CASP2: variants seen among roughly 807,000 people sequenced by gnomAD.
The protein encoded by CASP2 is caspase 2, also known as caspase-2.
CASP2 carries 38 observed loss-of-function variants against 54.4 expected under a neutral mutation model. The ratio of observed to expected loss-of-function variants is 0.70; its 90% CI spans 0.54 to 0.92. The LOEUF (loss-of-function observed/expected upper bound fraction) is 0.92, where lower values mean the gene tolerates loss of function less well. CASP2 is among the 40% of genes least tolerant of loss of function. CASP2 has a pLI of 0.00. For synonymous variants in CASP2, 215 were observed against 216.3 expected (o/e 0.99, Z 0.05); for missense variants, 512 against 579.6 (o/e 0.88, Z 1.20).
In CASP2 at chr7:143,292,637, G is replaced by C. The variant is rs779751765; in HGVS notation, c.414G>C (p.Leu138Phe). Residue 138 changes from leucine to phenylalanine, a missense_variant, in exon 4 of 11, where the codon TTG (leucine) becomes TTC (phenylalanine). Around this residue, in one of 3 missense-constraint regions of CASP2, gnomAD observed 417 missense variants for 495.4 expected, o/e 0.84. Transcript: ENST00000310447. ...TACAGTTGAGCTGTGACTACGACTT[G>C]AGTCTCCCTTTTCCGGTGTGTGAGT... ...VLPPLSCDYD[L>F]SLPFPVCESC... The C allele has an allele frequency of 1.2e-6, 2 of 1,613,782 alleles. No individual in the cohort carries two copies. The highest frequency in any genetic ancestry group is 4.5e-5 in the East Asian group (2 of 44,890).
At position 143,301,010 on chromosome 7, in the gene CASP2, A is replaced by T. The variant is rs4647323; in HGVS notation, c.967+716A>T. On this transcript the variant is annotated intron_variant, in intron 8 of 10. Coordinates refer to ENST00000310447, the MANE Select transcript of CASP2 (RefSeq NM_032982.4). ...AATTCTGACTTCACCATTTACTAGTAACGTGAAGTTAAAGAAGTTAAATGG... is the reference window on the plus strand; with the variant it reads ...AATTCTGACTTCACCATTTACTAGTTACGTGAAGTTAAAGAAGTTAAATGG... 3.4e-3 allele frequency: 2,658 copies of T among 791,346 alleles called. 72 individuals are homozygous for T. The African/African-American group carries it at 0.044, about 13-fold the overall frequency. The allele number at this position is 791,346 out of a possible 1,614,324, so 49.0% of individuals were successfully genotyped here. A position where few individuals can be genotyped will look rare whatever the true frequency, so the allele number is the denominator to read the frequency against.
chr7:143,296,987 T>C (rs1057455440), intron 6 of CASP2, among the ~76,000 whole-genome samples: 1 of 152,224 alleles, frequency 6.6e-6, no homozygotes, highest in Admixed American at 6.5e-5. Flanking sequence ...GGAAACGTAC[T>C]CTTCAAAGTG....
rs918680248 is a variant in CASP2 at position 143,305,154 on chromosome 7, G to A, written c.*83G>A. 1.3e-5 allele frequency: 20 copies of A among 1,555,900 alleles called. 1 individual carries two copies. Among genetic ancestry groups the A allele is most frequent in the Middle Eastern group, 1.7e-4 (1 of 5,778 alleles). On this transcript the variant is annotated 3_prime_UTR_variant, in exon 11 of 11. Coordinates refer to ENST00000310447, the MANE Select transcript of CASP2 (RefSeq NM_032982.4). ...AGAGCCTTTGATCTTCAGGATGCACGGTTTCTGTTCTGCCCCCTCAGGGAT... is the reference window on the plus strand; with the variant it reads ...AGAGCCTTTGATCTTCAGGATGCACAGTTTCTGTTCTGCCCCCTCAGGGAT...
intron 4 of CASP2, chr7:143,293,210 G>A (rs536180301): frequency 1.1e-4 from 69 of 614,310 alleles, no homozygotes; most frequent in Middle Eastern, 8.7e-4. Flanking sequence ...TCACTGCAGC[G>A]TTGAACTCCT....
intron 6 of CASP2, among the ~76,000 whole-genome samples, chr7:143,297,091 T>A (rs1801777571): frequency 6.6e-6 from 1 of 152,228 alleles, no homozygotes; most frequent in Non-Finnish European, 1.5e-5. Flanking sequence ...GGGTTATCCC[T>A]GGAAAATGCA....
chr7:143,294,750 G>A lies in CASP2; in HGVS notation c.724G>A (p.Val242Ile), dbSNP rs939202752. 2.5e-6 allele frequency: 4 copies of A among 1,614,162 alleles called. No individual in the cohort carries two copies. The highest frequency in any genetic ancestry group is 2.7e-5 in the African/African-American group (2 of 75,056). ...LFKLLGYDVH[V>I]LCDQTAQEMQ... ...CAAGCTTTTGGGCTATGACGTCCAT[G>A]TTCTATGTGACCAGACTGCACAGGT... The change falls in exon 6 of 11, where the codon GTT becomes ATT. Residue 242 changes from valine (V) to isoleucine (I), a missense_variant. By Grantham distance (29) the Val-to-Ile change is conservative (BLOSUM62 3). Coordinates refer to ENST00000310447, the MANE Select transcript of CASP2 (RefSeq NM_032982.4).
chr7:143,290,202 A>T (rs1051025529), intron 1 of CASP2, among the ~76,000 whole-genome samples: 8 of 151,958 alleles, frequency 5.3e-5, no homozygotes, highest in Non-Finnish European at 7.4e-5. Context: ...CTAGGACTAC[A>T]GGCATGCAGC....
In CASP2 at chr7:143,294,703, A is replaced by G. The variant is rs767042893; in HGVS notation, c.677A>G (p.His226Arg). Residue 226 changes from histidine (H) to arginine (R), a missense_variant, in exon 6 of 11, where the codon CAC becomes CGC. Physicochemically the swap from His to Arg is conservative, Grantham distance 29. Coordinates refer to ENST00000310447, the MANE Select transcript of CASP2 (RefSeq NM_032982.4). ...LEFRSGGDVD[H>R]STLVTLFKLL... ...TTTCGCTCTGGAGGGGATGTGGACC[A>G]CAGTACTCTAGTCACCCTCTTCAAG... 3.1e-6 allele frequency: 5 copies of G among 1,614,188 alleles called. No individual in the cohort carries two copies. In the East Asian group the frequency reaches 8.9e-5, roughly 29 times the overall value.
In CASP2 at chr7:143,294,376, T is replaced by C. The variant is rs1370916693; in HGVS notation, c.570+52T>C. 2.3e-6 allele frequency: 3 copies of C among 1,284,660 alleles called. No individual in the cohort carries two copies. The Admixed American group carries it at 5.0e-5, about 22-fold the overall frequency. The allele number at this position is 1,284,660 out of a possible 1,614,324, so 79.6% of individuals were successfully genotyped here. A position where few individuals can be genotyped will look rare whatever the true frequency, so the allele number is the denominator to read the frequency against. On this transcript the variant is annotated intron_variant, in intron 5 of 10. Transcript: ENST00000310447. ...AAGAGAGTTGGGAAATTAGACACCC[T>C]TCCTGGGAACCTGAACTTAGTTTGC...
At chr7:143,300,765 T>A (rs1880651) in intron 8 of CASP2, 1,142,393 of 1,185,562 alleles carry the variant, frequency 0.96, 550,616 homozygotes, top group Middle Eastern at 0.99. Flanking sequence ...CTTTCTTCTT[T>A]CTTCTTACCA....
intron 1 of CASP2, 142 bp downstream of exon 1, chr7:143,288,671 C>T (rs1298280266): frequency 2.6e-6 from 2 of 757,840 alleles, no homozygotes; most frequent in Non-Finnish European, 4.2e-6. Flanking sequence ...GGTGGGACGC[C>T]CGCCCGAGCC....
chr7:143,299,798 G>A, intron 6 of CASP2, 125 bp from the exon 7 acceptor site: 2 of 1,046,430 alleles, frequency 1.9e-6, no homozygotes, highest in Non-Finnish European at 2.9e-6. Context: ...TTTTATCATT[G>A]ACCACAGGAA....
intron 10 of CASP2, 57 bp downstream of exon 10, chr7:143,304,840 T>G: frequency 6.2e-7 from 1 of 1,606,428 alleles, no homozygotes; most frequent in South Asian, 1.1e-5. Context: ...ACTTTCCTCC[T>G]CTCTTGAATG....
chr7:143,302,996 A>G (rs1015058643), intron 8 of CASP2: 1 of 152,018 alleles, frequency 6.6e-6, no homozygotes, highest in East Asian at 1.9e-4. Context: ...AGGTGCAGTG[A>G]CTCATGCCTA....
At chr7:143,295,402 G>A (rs903903334) in intron 6 of CASP2, among the ~76,000 whole-genome samples, 1 of 152,154 alleles carries the variant, frequency 6.6e-6, no homozygotes, top group African/African-American at 2.4e-5. Flanking sequence ...TCTAGAAATT[G>A]TAAACATTTT....
intron 8 of CASP2, 127 bp downstream of exon 8, chr7:143,300,421 G>A: frequency 6.3e-7 from 1 of 1,597,864 alleles, no homozygotes. Context: ...GTTCACTGCT[G>A]CCACCGCCTC....
At position 143,288,504 on chromosome 7, in the gene CASP2, C is replaced by G; in HGVS notation, c.49C>G (p.Leu17Val). Reference sequence around the variant, plus strand: ...TTGGTCCACCTTCCAGCACAAGGAGCTGATGGCCGCTGACAGGGGACGCAG... The same window carrying G: ...TTGGTCCACCTTCCAGCACAAGGAGGTGATGGCCGCTGACAGGGGACGCAG... ...GSWSTFQHKE[L>V]MAADRGRRIL... Residue 17 changes from leucine to valine, a missense_variant, in exon 1 of 11, where the codon CTG becomes GTG. By Grantham distance (32) the Leu-to-Val change is conservative (BLOSUM62 1). Around this residue, in one of 3 missense-constraint regions of CASP2, gnomAD observed 89 missense variants for 67.1 expected, o/e 1.33. Transcript: ENST00000310447. The G allele has an allele frequency of 6.2e-7, 1 of 1,613,326 alleles. No individual in the cohort carries two copies. The highest frequency in any genetic ancestry group is 8.5e-7 in the Non-Finnish European group (1 of 1,179,636).
intron 10 of CASP2, 25 bp from the exon 11 acceptor site, chr7:143,304,915 G>T (rs1179027689): frequency 7.4e-6 from 12 of 1,614,158 alleles, no homozygotes; most frequent in Non-Finnish European, 1.0e-5. Context: ...TCTCAGACTT[G>T]GGCCTATTGG....
At chr7:143,301,045 A>G (rs1266810172) in intron 8 of CASP2, 3 of 400,830 alleles carry the variant, frequency 7.5e-6, no homozygotes, top group Non-Finnish European at 3.4e-6. Flanking sequence ...GCATCCCTCC[A>G]TCTCAGTTTC....
Sources: gnomAD v4.1 joint callset for allele counts (sites outside exome capture counted in the v4.1 genomes callset) on GRCh38, gnomAD v4.1.1 for gene constraint, gnomAD v4.1.1 regional missense constraint, MANE v1.5 for transcripts, NCBI Gene and HGNC (gene_info 2026-07-23, HGNC 2026-07-21) for gene names.